The following CUL1 variants were observed in gnomAD, a reference collection of about 807,000 sequenced individuals.
CUL1 encodes the protein cullin 1, also known as cullin-1.
A neutral mutation model predicts 118.0 loss-of-function variants in CUL1; 24 were observed. The observed-to-expected ratio is 0.20, with a 90% CI of 0.15 to 0.29. CUL1 has a LOEUF of 0.29. Among genes scored for constraint, CUL1 ranks in the 10% least tolerant of loss-of-function variants. The probability of loss-of-function intolerance (pLI) is 1.00; values close to 1 mark genes in which losing one functional copy is unlikely to be tolerated. For synonymous variants in CUL1, 332 were observed against 340.4 expected, an observed-to-expected ratio of 0.98 and a Z score of 0.27; for missense variants, 361 against 933.8, an observed-to-expected ratio of 0.39 and a Z score of 7.99.
rs59592789 is a variant in CUL1, at chr7:148,742,598, G to GTTTTTTTTTTTTTTTTT, written c.141-11376_141-11360dup. Among the ~76,000 whole-genome samples the GTTTTTTTTTTTTTTTTT allele has an allele frequency of 9.4e-4, 105 of 112,164 alleles. 5 individuals carry two copies. Among genetic ancestry groups the GTTTTTTTTTTTTTTTTT allele is most frequent in the Middle Eastern group, 5.4e-3 (1 of 186 alleles). 73.6% of individuals were successfully genotyped at this position (112,164 alleles called of 152,430 possible). ...TTCTTAAATCTTTCTACCTTTTCTGGTTTTTTTTTTTTTTTTTTGAGTTGG... is the reference window on the plus strand; with the variant it reads ...TTCTTAAATCTTTCTACCTTTTCTGGTTTTTTTTTTTTTTTTTTTTTTTTTTTTTTTTTTTGAGTTGG... On this transcript the variant is annotated intron_variant, in intron 2 of 21. Coordinates refer to ENST00000325222, the MANE Select transcript of CUL1 (RefSeq NM_003592.3).
chr7:148,770,632 G>A (rs61541746), intron 9 of CUL1, among the ~76,000 whole-genome samples: 4,642 of 152,126 alleles, frequency 0.031, 242 homozygotes, highest in African/African-American at 0.11. Context: ...TGGGTTCCTC[G>A]TGCCCTTCCC....
At chr7:148,792,424 CTA>C (rs1198285250) in intron 16 of CUL1, among the ~76,000 whole-genome samples, 5 of 152,204 alleles carry the variant, frequency 3.3e-5, no homozygotes, top group African/African-American at 1.2e-4. Flanking sequence ...GTGATTGTCT[CTA>C]TAAATGCGTG....
intron 1 of CUL1, among the ~76,000 whole-genome samples, chr7:148,726,796 T>A (rs1369983494): frequency 1.4e-5 from 2 of 144,318 alleles, no homozygotes; most frequent in Admixed American, 1.4e-4. Flanking sequence ...CACAAATGCA[T>A]AGCACATAAA....
At chr7:148,708,381 T>C (rs2129458958) in intron 1 of CUL1, among the ~76,000 whole-genome samples, 1 of 152,370 alleles carries the variant, frequency 6.6e-6, no homozygotes, top group South Asian at 2.1e-4. Flanking sequence ...TGTTTGTCCA[T>C]ATTCAGTGAT....
chr7:148,761,928 G>A (rs952468638), intron 7 of CUL1, among the ~76,000 whole-genome samples: 2 of 152,212 alleles, frequency 1.3e-5, no homozygotes, highest in African/African-American at 4.8e-5. Context: ...GATCCCTCAC[G>A]TGTGTAGTTC....
intron 8 of CUL1, among the ~76,000 whole-genome samples, chr7:148,767,223 T>C (rs1171942586): frequency 1.3e-5 from 2 of 152,222 alleles, no homozygotes; most frequent in African/African-American, 2.4e-5. Context: ...TCTCCTTAAA[T>C]GTATTCATTA....
chr7:148,724,726 G>A, intron 1 of CUL1, among the ~76,000 whole-genome samples: 1 of 152,170 alleles, frequency 6.6e-6, no homozygotes, highest in East Asian at 1.9e-4. Flanking sequence ...CATCTGCAGG[G>A]TACACGCCCG....
In CUL1 at chr7:148,769,015, A is replaced by G. The variant is rs972305464; in HGVS notation, c.1083+1266A>G. On this transcript the variant is annotated intron_variant, in intron 9 of 21. Coordinates refer to ENST00000325222, the MANE Select transcript of CUL1 (RefSeq NM_003592.3). ...AAAAGATCTCTAGGTTTTAGTAAAA[A>G]CTTAAGTACAGAGTCCTCAGTGTCG... Among the ~76,000 whole-genome samples, 34 of 152,028 alleles carry G rather than the reference A, an allele frequency of 2.2e-4. 1 individual carries two copies. The highest frequency in any genetic ancestry group is 7.4e-5 in the Non-Finnish European group (5 of 67,998).
Position 148,800,628 on chromosome 7 carries a change from T to C in CUL1, c.*46T>C. On this transcript the variant is annotated 3_prime_UTR_variant, in exon 22 of 22. Transcript: ENST00000325222. This position sits in a 1 kb window ranked among gnomAD's most constrained non-coding sequence, Gnocchi z 4.6. ...TGTGTGACCCGCAGCAAATAGTTCA[T>C]GTTGGAAAGAATGAAAACAACTCAA... 2 of 1,465,992 alleles carry C rather than the reference T, an allele frequency of 1.4e-6. No homozygotes were observed. Among genetic ancestry groups the C allele is most frequent in the Non-Finnish European group, 9.5e-7 (1 of 1,053,278 alleles). The allele number at this position is 1,465,992 out of a possible 1,614,324, so 90.8% of individuals were successfully genotyped here.
intron 1 of CUL1, 145 bp from the exon 2 acceptor site, chr7:148,729,817 A>G (rs377357586): frequency 1.6e-5 from 4 of 255,102 alleles, no homozygotes; most frequent in East Asian, 7.7e-5. Flanking sequence ...TACACAGACC[A>G]TATGGTTAAC....
rs574135753 is a variant in CUL1, at chr7:148,787,093, C to T, written c.1452C>T (p.Ala484=). Residue 484 remains alanine, a synonymous_variant, in exon 13 of 22, where the codon GCC becomes GCT. Coordinates refer to ENST00000325222, the MANE Select transcript of CUL1 (RefSeq NM_003592.3). This position sits in a 1 kb window ranked among gnomAD's most constrained non-coding sequence, Gnocchi z 5.5. ...LVHQNSASDD[A]EASMISKLKQ... Reference sequence around the variant, plus strand: ...ACCAGAACAGTGCAAGTGACGATGCCGAAGCCAGCATGATCTCCAAGTTAA... The same window carrying T: ...ACCAGAACAGTGCAAGTGACGATGCTGAAGCCAGCATGATCTCCAAGTTAA... 10 of 1,613,548 alleles carry T rather than the reference C, an allele frequency of 6.2e-6. No individual in the cohort carries two copies. The highest frequency in any genetic ancestry group is 4.4e-5 in the South Asian group (4 of 91,034).
At chr7:148,763,912 G>A (rs373625182) in intron 7 of CUL1, among the ~76,000 whole-genome samples, 147 of 152,314 alleles carry the variant, frequency 9.7e-4, no homozygotes, top group African/African-American at 3.4e-3. Context: ...CCCTGGGTCT[G>A]TGTTCACTTT....
intron 6 of CUL1, 22 bp downstream of exon 6, chr7:148,759,660 T>C (rs752450774): frequency 8.4e-6 from 12 of 1,430,712 alleles, no homozygotes; most frequent in Non-Finnish European, 1.2e-5. Flanking sequence ...CCCTTTAGTT[T>C]ATTCAAAGTT....
chr7:148,739,900 T>G (rs1255523450), intron 2 of CUL1, among the ~76,000 whole-genome samples: 2 of 152,204 alleles, frequency 1.3e-5, no homozygotes, highest in Admixed American at 6.5e-5. Flanking sequence ...TTGTATATGG[T>G]GTACAGTAAG....
At chr7:148,766,798 C>T in intron 8 of CUL1, 75 bp downstream of exon 8, 1 of 1,264,666 alleles carries the variant, frequency 7.9e-7, no homozygotes, top group Non-Finnish European at 1.1e-6. Context: ...ATTCTAGACT[C>T]TCGAGTCAAC....
At chr7:148,715,524 T>C (rs1332574471) in intron 1 of CUL1, among the ~76,000 whole-genome samples, 2 of 152,184 alleles carry the variant, frequency 1.3e-5, no homozygotes, top group Admixed American at 1.3e-4. Context: ...CTGGTTCTCT[T>C]ATATATTCTG....
chr7:148,787,172 C>T lies in CUL1; in HGVS notation c.1479+52C>T. On this transcript the variant is annotated intron_variant, in intron 13 of 21. Coordinates refer to ENST00000325222, the MANE Select transcript of CUL1 (RefSeq NM_003592.3). The surrounding 1 kb of genome is among the most constrained non-coding windows in gnomAD (Gnocchi z 5.5). ...CCCAGCTTCTGAGTCATTATTAAAACAGCTCTATGGCCGAGCGCGGTGGCT... is the reference window on the plus strand; with the variant it reads ...CCCAGCTTCTGAGTCATTATTAAAATAGCTCTATGGCCGAGCGCGGTGGCT... 6.3e-7 allele frequency: 1 copy of T among 1,598,806 alleles called. No homozygotes were observed. Among genetic ancestry groups the T allele is most frequent in the Non-Finnish European group, 8.5e-7 (1 of 1,170,762 alleles).
chr7:148,769,310 T>G (rs2129461077), intron 9 of CUL1, among the ~76,000 whole-genome samples: 1 of 152,096 alleles, frequency 6.6e-6, no homozygotes, highest in South Asian at 2.1e-4. Context: ...TACACATAAT[T>G]TTTTTAATTT....
At chr7:148,733,442 G>A (rs1050102009) in intron 2 of CUL1, among the ~76,000 whole-genome samples, 8 of 152,138 alleles carry the variant, frequency 5.3e-5, no homozygotes, top group Admixed American at 3.3e-4. Context: ...AGCCATTTAC[G>A]CATAGTACTC....
Sources: gnomAD v4.1 joint callset for allele counts (sites outside exome capture counted in the v4.1 genomes callset) on GRCh38, gnomAD v4.1.1 for gene constraint, Gnocchi (gnomAD v3.1) non-coding constraint, MANE v1.5 for transcripts, NCBI Gene and HGNC (gene_info 2026-07-23, HGNC 2026-07-21) for gene names.